The following NAALADL2 variants were observed in gnomAD, a reference collection of about 807,000 sequenced individuals.
NAALADL2 encodes the protein inactive N-acetylated-alpha-linked acidic dipeptidase-like protein 2.
Under a neutral mutation model 87.2 loss-of-function variants are expected in NAALADL2, and 76 were observed. The observed-to-expected ratio is 0.87, with a 90% CI of 0.72 to 1.05. The LOEUF is 1.05. NAALADL2 is among the 50% of genes least tolerant of loss of function. The pLI, the probability that NAALADL2 is intolerant of heterozygous loss-of-function variation, is 0.00. For synonymous variants in NAALADL2, 354 were observed against 331.0 expected, an observed-to-expected ratio of 1.07 and a Z score of -0.75; for missense variants, 1,089 against 945.8, an observed-to-expected ratio of 1.15 and a Z score of -1.99.
intron 3 of NAALADL2, among the ~76,000 whole-genome samples, chr3:174,738,788 C>A (rs1733473338): frequency 6.6e-6 from 1 of 152,114 alleles, no homozygotes; most frequent in Admixed American, 6.5e-5. Context: ...GTAATTAAAA[C>A]TAAATAAGTA....
intron 9 of NAALADL2, among the ~76,000 whole-genome samples, chr3:175,522,919 G>C (rs1441625006): frequency 6.6e-6 from 1 of 152,044 alleles, no homozygotes; most frequent in African/African-American, 2.4e-5. Flanking sequence ...AGGTTCAATT[G>C]CAAGAAATAA....
chr3:175,467,032 C>T lies in NAALADL2; in HGVS notation c.1381C>T (p.Gln461Ter). The T allele has an allele frequency of 6.2e-7, 1 of 1,613,782 alleles. No individual in the cohort carries two copies. Among genetic ancestry groups the T allele is most frequent in the Non-Finnish European group, 8.5e-7 (1 of 1,179,784 alleles). Reference sequence around the variant, plus strand: ...TCACACTGCACACAGTTATAATGGACAAGAATGGGCCAGTAGTACTGCAAT... The same window carrying T: ...TCACACTGCACACAGTTATAATGGATAAGAATGGGCCAGTAGTACTGCAAT... ...HHHTAHSYNGQEWASSTAIIT... is the reference protein window; with the variant it reads ...HHHTAHSYNG The change falls in exon 8 of 14, where the codon CAA (glutamine) becomes TAA (stop). Residue 461 changes from glutamine (Q) to a stop codon, truncating the protein, a stop_gained. Coordinates refer to ENST00000454872, the MANE Select transcript of NAALADL2 (RefSeq NM_207015.3). LOFTEE classifies it high-confidence loss of function.
At chr3:174,697,658 G>C (rs1729158514) in intron 2 of NAALADL2, among the ~76,000 whole-genome samples, 1 of 152,030 alleles carries the variant, frequency 6.6e-6, no homozygotes, top group Admixed American at 6.6e-5. Context: ...TTTTTAAATT[G>C]TTTCAGTGAC....
At chr3:174,630,962 T>G (rs1450153453) in intron 2 of NAALADL2, among the ~76,000 whole-genome samples, 1 of 152,092 alleles carries the variant, frequency 6.6e-6, no homozygotes, top group Admixed American at 6.6e-5. Flanking sequence ...GGGTCTATAT[T>G]TTGCCGTACC....
At chr3:175,163,530 A>G (rs1261340554) in intron 2 of NAALADL2, among the ~76,000 whole-genome samples, 1 of 151,988 alleles carries the variant, frequency 6.6e-6, no homozygotes, top group Non-Finnish European at 1.5e-5. Flanking sequence ...GACTAAGGAT[A>G]AGCGTGAAAA....
chr3:175,381,390 A>G (rs988924401), intron 5 of NAALADL2, among the ~76,000 whole-genome samples: 3 of 151,672 alleles, frequency 2.0e-5, no homozygotes, highest in African/African-American at 4.8e-5. Flanking sequence ...TGCATTTTTT[A>G]TTGTCTAAAA....
intron 3 of NAALADL2, among the ~76,000 whole-genome samples, chr3:174,826,148 C>G (rs958648459): frequency 3.9e-5 from 6 of 152,200 alleles, no homozygotes; most frequent in African/African-American, 1.4e-4. Context: ...ACATCCTGCT[C>G]TTTCCTTACA....
At chr3:174,967,373 A>C (rs1374995824) in intron 1 of NAALADL2, among the ~76,000 whole-genome samples, 5 of 21,896 alleles carry the variant, frequency 2.3e-4, no homozygotes, top group Admixed American at 5.2e-4. Context: ...GTGGATTGCA[A>C]AAAAAAAAAA....
intron 9 of NAALADL2, among the ~76,000 whole-genome samples, chr3:175,521,406 CT>C (rs889521869): frequency 2.0e-5 from 3 of 151,374 alleles, no homozygotes; most frequent in African/African-American, 4.8e-5. Flanking sequence ...TTAGTTCTAA[CT>C]TTTTTTTTCC....
chr3:174,607,995 A>G (rs976330564), intron 2 of NAALADL2, among the ~76,000 whole-genome samples: 2 of 152,198 alleles, frequency 1.3e-5, no homozygotes, highest in African/African-American at 4.8e-5. Flanking sequence ...TCAAACTAGA[A>G]CTGAGGATTA....
At chr3:174,742,765 C>G (rs907692335) in intron 3 of NAALADL2, among the ~76,000 whole-genome samples, 1 of 151,224 alleles carries the variant, frequency 6.6e-6, no homozygotes, top group Non-Finnish European at 1.5e-5. Flanking sequence ...GTATTTAAAA[C>G]TTTTATTAGA....
In NAALADL2 at chr3:174,831,504, T is replaced by G. The variant is rs1353813373; in HGVS notation, c.-9+93758T>G. On this transcript the variant is annotated intron_variant, in intron 3 of 3. Coordinates refer to the NAALADL2 transcript ENST00000434257. ...GCTTTTTGATGTGCTGCTGGATTCG[T>G]TTTGCCAGTATTTTATTGAGGATTT... 7.0e-5 allele frequency among the ~76,000 whole-genome samples: 10 copies of G among 143,752 alleles called. No homozygotes were observed. In the East Asian group the frequency reaches 7.9e-4, roughly 11 times the overall value. The allele number at this position is 143,752 out of a possible 152,430, so 94.3% of individuals were successfully genotyped here.
intron 3 of NAALADL2, among the ~76,000 whole-genome samples, chr3:174,745,608 C>T (rs1734179775): frequency 6.6e-6 from 1 of 151,998 alleles, no homozygotes; most frequent in South Asian, 2.1e-4. Context: ...AGCATCCTGA[C>T]ATCAAAACCT....
intron 11 of NAALADL2, among the ~76,000 whole-genome samples, chr3:175,712,445 A>C (rs532916073): frequency 6.6e-6 from 1 of 152,182 alleles, no homozygotes; most frequent in Non-Finnish European, 1.5e-5. Context: ...AAGAAGGTAA[A>C]GTTTAAAAAG....
At chr3:175,153,308 T>C (rs988359260) in intron 2 of NAALADL2, among the ~76,000 whole-genome samples, 3 of 152,144 alleles carry the variant, frequency 2.0e-5, no homozygotes, top group South Asian at 4.1e-4. Context: ...CATGTCAGTG[T>C]TGAAGATGGG....
chr3:175,155,341 A>G (rs1205778928), intron 2 of NAALADL2, among the ~76,000 whole-genome samples: 4 of 152,158 alleles, frequency 2.6e-5, no homozygotes, highest in Admixed American at 6.6e-5. Context: ...CCTTTGACAC[A>G]TTCTTCTTCA....
At chr3:175,138,261 G>C (rs1194612455) in intron 2 of NAALADL2, among the ~76,000 whole-genome samples, 1 of 152,180 alleles carries the variant, frequency 6.6e-6, no homozygotes, top group East Asian at 1.9e-4. Flanking sequence ...TGTAGACTGA[G>C]AAAACTTACC....
At chr3:175,638,205 A>G (rs1351786993) in intron 11 of NAALADL2, among the ~76,000 whole-genome samples, 1 of 152,224 alleles carries the variant, frequency 6.6e-6, no homozygotes, top group African/African-American at 2.4e-5. Flanking sequence ...CAATCAGTTT[A>G]TATGCCGTAG....
rs112575576 is a variant in NAALADL2, at chr3:174,454,036, T to C, written c.-184+13004T>C. Among the ~76,000 whole-genome samples, 814 of 152,126 alleles carry C rather than the reference T, an allele frequency of 5.4e-3. 7 individuals are homozygous for C. Among genetic ancestry groups the C allele is most frequent in the East Asian group, 0.041 (212 of 5,172 alleles). On this transcript the variant is annotated intron_variant, in intron 1 of 3. Transcript: ENST00000434257. ...CTCAAATGCAATGACACCCACAGGC[T>C]TAAAATAAAGGGATGGAGAGAAATC...
Sources: allele counts gnomAD v4.1 joint callset (sites outside exome capture counted in the v4.1 genomes callset), GRCh38; gene constraint gnomAD v4.1.1; transcripts MANE v1.5; gene names NCBI Gene and HGNC (gene_info 2026-07-23, HGNC 2026-07-21).